MREG: variants seen among roughly 807,000 people sequenced by gnomAD.
MREG encodes dilute suppressor protein homolog.
MREG carries 31 observed loss-of-function variants against 28.5 expected under a neutral mutation model. The observed-to-expected ratio is 1.09, with a 90% CI of 0.82 to 1.47. The LOEUF (loss-of-function observed/expected upper bound fraction) is 1.47. Ranked by LOEUF, MREG falls within the 40% of genes most tolerant of loss-of-function variation. The pLI, the probability that MREG is intolerant of heterozygous loss-of-function variation, is 0.00. For missense variants in MREG, 256 were observed against 257.4 expected (o/e 0.99, Z 0.04); for synonymous variants, 106 against 95.2 (o/e 1.11, Z -0.66).
intron 1 of MREG, among the ~76,000 whole-genome samples, chr2:216,012,229 T>C (rs147753010): frequency 1.7e-4 from 26 of 152,234 alleles, no homozygotes; most frequent in African/African-American, 4.6e-4. Context: ...TTGGAGCCAA[T>C]GAGTGGATTA....
At chr2:215,974,780 C>G (rs1176624668) in intron 2 of MREG, among the ~76,000 whole-genome samples, 1 of 151,112 alleles carries the variant, frequency 6.6e-6, no homozygotes, top group Non-Finnish European at 1.5e-5. Flanking sequence ...TGAAATTCCT[C>G]AAAGCCTGCT....
At chr2:215,978,066 A>C (rs2105997384) in intron 2 of MREG, among the ~76,000 whole-genome samples, 1 of 152,290 alleles carries the variant, frequency 6.6e-6, no homozygotes, top group South Asian at 2.1e-4. Context: ...AAACAAAAAA[A>C]CCCTTCAAAA....
At chr2:215,977,905 C>T (rs1174954920) in intron 2 of MREG, among the ~76,000 whole-genome samples, 1 of 152,168 alleles carries the variant, frequency 6.6e-6, no homozygotes, top group Non-Finnish European at 1.5e-5. Flanking sequence ...ATTTATAGCA[C>T]TAAATGCCCA....
rs977309262 is a variant in MREG at position 215,942,796 on chromosome 2, G to A, written c.*2067C>T. ...TCTGAGACCGAGAGTAAAACAATAC[G>A]ACATCCTTAGGTTTATTTATTTTAT... On this transcript the variant is annotated 3_prime_UTR_variant, in exon 5 of 5. Coordinates refer to ENST00000263268, the MANE Select transcript of MREG (RefSeq NM_018000.3). 3.3e-5 allele frequency: 5 copies of A among 152,540 alleles called. No homozygotes were observed. The highest frequency in any genetic ancestry group is 7.3e-5 in the Non-Finnish European group (5 of 68,030). The allele number at this position is 152,540 out of a possible 1,614,324, so 9.4% of individuals were successfully genotyped here.
chr2:216,012,535 C>T (rs548328673), intron 1 of MREG, among the ~76,000 whole-genome samples: 1 of 147,812 alleles, frequency 6.8e-6, no homozygotes, highest in Non-Finnish European at 1.5e-5. Flanking sequence ...ACCCCTGAGG[C>T]ATGACCTAGT....
chr2:215,984,621 G>T (rs2106004448), intron 2 of MREG, among the ~76,000 whole-genome samples: 1 of 151,548 alleles, frequency 6.6e-6, no homozygotes, highest in East Asian at 1.9e-4. Flanking sequence ...CATAGAAAGA[G>T]GCACTAAAAC....
chr2:215,941,756 A>C (rs1692199918), downstream of MREG: 1 of 152,226 alleles, frequency 6.6e-6, no homozygotes, highest in African/African-American at 2.4e-5. Flanking sequence ...TCGTTTGAGC[A>C]ATACTCATTT....
chr2:216,031,692 A>AAAGAAG (rs200296903), intron 1 of MREG, among the ~76,000 whole-genome samples: 1 of 19,180 alleles, frequency 5.2e-5, no homozygotes, highest in Non-Finnish European at 1.0e-4. Flanking sequence ...AGAAAGAAAG[A>AAAGAAG]GAAAGAAAGA....
intron 2 of MREG, among the ~76,000 whole-genome samples, chr2:215,991,018 T>A (rs1305462431): frequency 6.6e-6 from 1 of 151,618 alleles, no homozygotes; most frequent in Non-Finnish European, 1.5e-5. Context: ...TATACAGGAG[T>A]TAAACTCAGC....
intron 2 of MREG, among the ~76,000 whole-genome samples, chr2:215,965,918 G>A (rs898898033): frequency 3.9e-5 from 6 of 152,170 alleles, no homozygotes; most frequent in Non-Finnish European, 8.8e-5. Context: ...ATCTTTGCTA[G>A]GAGGAAAAAC....
chr2:215,956,732 G>T (rs1189325804), intron 2 of MREG, among the ~76,000 whole-genome samples: 3 of 151,994 alleles, frequency 2.0e-5, no homozygotes, highest in African/African-American at 7.3e-5. Flanking sequence ...TAGAGATGAG[G>T]TCTCACTATG....
chr2:215,996,792 A>G (rs892806559), intron 1 of MREG, among the ~76,000 whole-genome samples: 27 of 150,594 alleles, frequency 1.8e-4, no homozygotes, highest in African/African-American at 6.6e-4. Flanking sequence ...TTTTTTTGAG[A>G]CAGAGTCTCG....
At chr2:215,946,804 C>G (rs1692334164) in intron 3 of MREG, among the ~76,000 whole-genome samples, 2 of 152,236 alleles carry the variant, frequency 1.3e-5, no homozygotes, top group Non-Finnish European at 1.5e-5. Flanking sequence ...TGGAGTAACA[C>G]ATGGCAGAGT....
intron 2 of MREG, among the ~76,000 whole-genome samples, chr2:215,963,956 A>G (rs1172772396): frequency 1.3e-5 from 2 of 152,238 alleles, no homozygotes; most frequent in Non-Finnish European, 2.9e-5. Flanking sequence ...CGGGAAGGAA[A>G]TAATAGTGCC....
rs553133695 is a variant in MREG, at chr2:216,001,088, C to T, written c.96-4623G>A. Among the ~76,000 whole-genome samples, 3 of 152,122 alleles carry T rather than the reference C, an allele frequency of 2.0e-5. No individual in the cohort carries two copies. The South Asian group carries it at 6.2e-4, about 32-fold the overall frequency. ...TCTTTTCCTCTTTATTTCTCCTCTCCTCTCTCTAGCTGTCTCTGCATCTCT... is the reference window on the plus strand; with the variant it reads ...TCTTTTCCTCTTTATTTCTCCTCTCTTCTCTCTAGCTGTCTCTGCATCTCT... On this transcript the variant is annotated intron_variant, in intron 1 of 4. Coordinates refer to ENST00000263268, the MANE Select transcript of MREG (RefSeq NM_018000.3).
chr2:215,986,875 GA>G (rs1234708451), intron 2 of MREG, among the ~76,000 whole-genome samples: 4 of 152,132 alleles, frequency 2.6e-5, no homozygotes, highest in Non-Finnish European at 5.9e-5. Context: ...AGCAGCATGA[GA>G]ACAGACTAAT....
At chr2:215,954,445 A>AACACACACACACAC (rs3078454) in intron 2 of MREG, among the ~76,000 whole-genome samples, 10,356 of 136,394 alleles carry the variant, frequency 0.076, 518 homozygotes, top group Admixed American at 0.1. Context: ...ATCTGTGTAC[A>AACACACACACACAC]ACACACACAC....
chr2:216,007,077 C>T (rs911286324), intron 1 of MREG, among the ~76,000 whole-genome samples: 1 of 152,212 alleles, frequency 6.6e-6, no homozygotes, highest in African/African-American at 2.4e-5. Flanking sequence ...AGTTCGACCA[C>T]GTGTGCCTCT....
At chr2:216,018,275 A>T (rs1243750888), upstream of MREG, among the ~76,000 whole-genome samples, 1 of 152,240 alleles carries the variant, frequency 6.6e-6, no homozygotes, top group Non-Finnish European at 1.5e-5. Context: ...ACAAAAATTT[A>T]TTAAGTCAGG....
Sources: gnomAD v4.1 joint callset for allele counts (sites outside exome capture counted in the v4.1 genomes callset) on GRCh38, gnomAD v4.1.1 for gene constraint, MANE v1.5 for transcripts, NCBI Gene and HGNC (gene_info 2026-07-23, HGNC 2026-07-21) for gene names.